The following ATP1A2 variants were observed in gnomAD, a reference collection of about 807,000 sequenced individuals.
ATP1A2 encodes ATPase Na+/K+ transporting subunit alpha 2.
In ATP1A2, 56 loss-of-function variants were observed where a neutral mutation model predicts 113.1. That is an observed-to-expected ratio of 0.49 (90% CI 0.40 to 0.62). The LOEUF is 0.62. Among genes scored for constraint, ATP1A2 ranks in the 20% least tolerant of loss-of-function variants. The pLI, the probability that ATP1A2 is intolerant of heterozygous loss-of-function variation, is 0.00. For synonymous variants in ATP1A2, 490 were observed against 526.8 expected, an observed-to-expected ratio of 0.93 and a Z score of 0.96; for missense variants, 712 against 1,357.8, an observed-to-expected ratio of 0.52 and a Z score of 7.47.
In ATP1A2 at chr1:160,141,596, T is replaced by A. The variant is rs1652152588; in HGVS notation, c.*274T>A. 5.8e-6 allele frequency: 3 copies of A among 518,064 alleles called. No individual in the cohort carries two copies. The highest frequency in any genetic ancestry group is 1.1e-5 in the Non-Finnish European group (3 of 284,256). 32.1% of individuals were successfully genotyped at this position (518,064 alleles called of 1,614,324 possible). The stretch of plus-strand genomic sequence containing the variant: ...ACTCCACTATGTTGTCTATTTTTTC[T>A]GAGGAATTAAGGGTTACCCCACCCT... On this transcript the variant is annotated 3_prime_UTR_variant, in exon 23 of 23. Transcript: ENST00000361216.
intron 20 of ATP1A2, among the ~76,000 whole-genome samples, chr1:160,137,834 G>A (rs1195757776): frequency 6.6e-6 from 1 of 152,120 alleles, no homozygotes; most frequent in East Asian, 1.9e-4. Flanking sequence ...TGGGGAGGGT[G>A]GGGAGAAGAT....
intron 20 of ATP1A2, 27 bp from the exon 21 acceptor site, chr1:160,139,613 C>T (rs1417904258): frequency 1.2e-6 from 2 of 1,605,044 alleles, no homozygotes; most frequent in Non-Finnish European, 1.7e-6. Flanking sequence ...CCCCCTTCAC[C>T]TGCCACCTCC....
intron 18 of ATP1A2, 53 bp from the exon 19 acceptor site, chr1:160,136,517 C>T (rs1471169091): frequency 1.2e-6 from 2 of 1,613,860 alleles, no homozygotes; most frequent in Non-Finnish European, 1.7e-6. Context: ...GGGGCTGTGC[C>T]CCTTCTGCTT....
intron 3 of ATP1A2, 33 bp downstream of exon 3, chr1:160,121,284 A>T: frequency 6.2e-7 from 1 of 1,611,890 alleles, no homozygotes; most frequent in Non-Finnish European, 8.5e-7. Context: ...AAGGAACAAA[A>T]GAGGCAAGAA....
chr1:160,123,066 C>T, intron 3 of ATP1A2, 147 bp from the exon 4 acceptor site: 1 of 870,652 alleles, frequency 1.1e-6, no homozygotes, highest in Non-Finnish European at 1.8e-6. Flanking sequence ...TCCATGTGGT[C>T]TCTCCTGATG....
rs201387132 is a variant in ATP1A2, at chr1:160,139,778, G to A, written c.2942+37G>A. ...TTTCGGGCGGCCTGAGTAGTCATAC[G>A]GGGGGCCTTCAGCCCCCTCCAGGAT... On this transcript the variant is annotated intron_variant, in intron 21 of 22. Transcript: ENST00000361216. 191 of 1,612,426 alleles carry A rather than the reference G, an allele frequency of 1.2e-4. 1 individual carries two copies. In the East Asian group the frequency reaches 3.7e-3, roughly 31 times the overall value.
intron 11 of ATP1A2, among the ~76,000 whole-genome samples, chr1:160,129,691 A>C (rs1383861251): frequency 6.6e-6 from 1 of 152,128 alleles, no homozygotes; most frequent in Non-Finnish European, 1.5e-5. Flanking sequence ...AGTCAGTGAA[A>C]CCATAATTCT....
chr1:160,137,297 G>A, intron 20 of ATP1A2: 2 of 507,362 alleles, frequency 3.9e-6, no homozygotes, highest in Non-Finnish European at 7.1e-6. Context: ...TCCTACTTGA[G>A]TGCCACCTGC....
intron 1 of ATP1A2, among the ~76,000 whole-genome samples, chr1:160,116,598 A>G (rs975224779): frequency 6.6e-6 from 1 of 151,950 alleles, no homozygotes; most frequent in Admixed American, 6.6e-5. Context: ...CACCAAGAGG[A>G]AGATTAACAA....
At chr1:160,125,329 T>G in intron 7 of ATP1A2, 76 bp downstream of exon 7, 1 of 1,385,036 alleles carries the variant, frequency 7.2e-7, no homozygotes, top group Non-Finnish European at 1.0e-6. Context: ...GCTCTGGTAG[T>G]ACTTACCTGG....
In ATP1A2 at chr1:160,130,495, T is replaced by C. The variant is rs751829474; in HGVS notation, c.1725T>C (p.Phe575=). 1.7e-5 allele frequency: 27 copies of C among 1,614,206 alleles called. No homozygotes were observed. The East Asian group carries it at 4.5e-4, about 27-fold the overall frequency. ...GFKFDTDELN[F]PTEKLCFVGL... ...AATTCGACACGGATGAGCTGAACTT[T>C]CCCACGGAGAAGCTTTGCTTTGTGG... Residue 575 remains phenylalanine, a synonymous_variant, in exon 13 of 23, where the codon TTT becomes TTC. Transcript: ENST00000361216.
rs749527521 is a variant in ATP1A2, at chr1:160,124,446, C to G, written c.630+16C>G. On this transcript the variant is annotated intron_variant, in intron 6 of 22. Transcript: ENST00000361216. ...TGGCTGTAAGGTGAGGAGGTCATAC[C>G]AGAGCAAGCAGTTGAGTCTAAGGAG... is the stretch of plus-strand genomic sequence containing the variant. The G allele has an allele frequency of 6.3e-7, 1 of 1,596,092 alleles. No individual in the cohort carries two copies. Among genetic ancestry groups the G allele is most frequent in the South Asian group, 1.1e-5 (1 of 88,326 alleles).
Position 160,136,932 on chromosome 1 carries a change from C to T in ATP1A2, c.2741C>T (p.Thr914Met), listed in dbSNP as rs1205366030. Residue 914 changes from threonine to methionine, a missense_variant, in exon 20 of 23, where the codon ACG becomes ATG. Physicochemically the swap from Thr to Met is moderately conservative, Grantham distance 81 (BLOSUM62 -1). This residue lies in a region of ATP1A2 where 188 missense variants were observed against 438.9 expected (regional missense o/e 0.43). Transcript: ENST00000361216. ...TYEQRKVVEF[T>M]CHTAFFASIV... ...GAGCAGCGGAAGGTGGTGGAGTTCACGTGCCACACGGCATTCTTTGCCAGC... is the reference window on the plus strand; with the variant it reads ...GAGCAGCGGAAGGTGGTGGAGTTCATGTGCCACACGGCATTCTTTGCCAGC... 1 of 1,614,182 alleles carries T rather than the reference C, an allele frequency of 6.2e-7. No homozygotes were observed.
intron 13 of ATP1A2, among the ~76,000 whole-genome samples, chr1:160,133,684 T>C (rs1486665409): frequency 1.3e-5 from 2 of 152,202 alleles, no homozygotes; most frequent in Middle Eastern, 3.4e-3. Context: ...AAGAACCTCA[T>C]GTCCTATATC....
Position 160,129,495 on chromosome 1 carries a change from G to A in ATP1A2, c.1461+95G>A, listed in dbSNP as rs1651700138. 1.9e-6 allele frequency: 3 copies of A among 1,566,962 alleles called. No homozygotes were observed. The South Asian group carries it at 3.3e-5, about 17-fold the overall frequency. On this transcript the variant is annotated intron_variant, in intron 11 of 22. Coordinates refer to ENST00000361216, the MANE Select transcript of ATP1A2 (RefSeq NM_000702.4). ...GGAATCATCACTAGCAGGAGTGGGG[G>A]TGTCTGAGGGTCATGTTCCCTCCCC...
At chr1:160,123,102 G>A (rs753354245) in intron 3 of ATP1A2, 111 bp from the exon 4 acceptor site, 7 of 1,276,476 alleles carry the variant, frequency 5.5e-6, no homozygotes, top group Non-Finnish European at 7.8e-6. Context: ...CAACCAGGTG[G>A]GACTTTCCTT....
rs937616856 is a variant in ATP1A2 at position 160,115,798 on chromosome 1, G to T, written c.-64G>T. ...GTCTCCGACTGTCCCAGACGGGCTG[G>T]TGTGGGCTTGGGATCCTCCTGGTGA... On this transcript the variant is annotated 5_prime_UTR_variant, in exon 1 of 23. Coordinates refer to ENST00000361216, the MANE Select transcript of ATP1A2 (RefSeq NM_000702.4). 6.4e-7 allele frequency: 1 copy of T among 1,565,480 alleles called. No individual in the cohort carries two copies. Among genetic ancestry groups the T allele is most frequent in the Non-Finnish European group, 8.7e-7 (1 of 1,153,760 alleles).
In ATP1A2 at chr1:160,115,831, C is replaced by A; in HGVS notation, c.-31C>A. 6.3e-7 allele frequency: 1 copy of A among 1,587,720 alleles called. No individual in the cohort carries two copies. Among genetic ancestry groups the A allele is most frequent in the East Asian group, 2.3e-5 (1 of 43,846 alleles). On this transcript the variant is annotated 5_prime_UTR_variant, in exon 1 of 23. Transcript: ENST00000361216. Reference sequence around the variant, plus strand: ...TTGGGATCCTCCTGGTGACCTCTCCCGCTAAGGTCCCTCAGCCACTCTGCC... The same window carrying A: ...TTGGGATCCTCCTGGTGACCTCTCCAGCTAAGGTCCCTCAGCCACTCTGCC...
chr1:160,119,212 A>C (rs1651289003), intron 1 of ATP1A2, among the ~76,000 whole-genome samples: 1 of 116,672 alleles, frequency 8.6e-6, no homozygotes, highest in Admixed American at 1.0e-4. Context: ...AAAAAAGTAT[A>C]TTTTTTAAAA....
Sources: allele counts gnomAD v4.1 joint callset (sites outside exome capture counted in the v4.1 genomes callset), GRCh38; gene constraint gnomAD v4.1.1; regional missense constraint gnomAD v4.1.1; transcripts MANE v1.5; gene names NCBI Gene and HGNC (gene_info 2026-07-23, HGNC 2026-07-21).